TRHDE: variants seen among roughly 807,000 people sequenced by gnomAD.
TRHDE encodes thyrotropin-releasing hormone-degrading ectoenzyme.
Under a neutral mutation model 125.7 loss-of-function variants are expected in TRHDE, and 72 were observed. The observed-to-expected ratio is 0.57, with a 90% CI of 0.47 to 0.70. The LOEUF (loss-of-function observed/expected upper bound fraction) is 0.70. Among genes scored for constraint, TRHDE ranks in the 30% least tolerant of loss-of-function variants. The pLI is 0.00. For missense variants in TRHDE, 1,110 were observed against 1,327.1 expected (o/e 0.84, Z 2.54); for synonymous variants, 509 against 509.1 (o/e 1.00, Z 0.00).
intron 6 of TRHDE, among the ~76,000 whole-genome samples, chr12:72,518,836 G>T (rs1879021595): frequency 6.6e-6 from 1 of 152,216 alleles, no homozygotes; most frequent in South Asian, 2.1e-4. Flanking sequence ...TTTAGGGCAG[G>T]CCTGGTGGTG....
intron 2 of TRHDE, among the ~76,000 whole-genome samples, chr12:72,130,335 G>A (rs1875832126): frequency 6.6e-6 from 1 of 152,114 alleles, no homozygotes; most frequent in Non-Finnish European, 1.5e-5. Flanking sequence ...TAAATTCAAT[G>A]CTGAGGTAAT....
intron 2 of TRHDE, among the ~76,000 whole-genome samples, chr12:72,119,079 T>C (rs1449515798): frequency 6.6e-6 from 1 of 152,124 alleles, no homozygotes; most frequent in Non-Finnish European, 1.5e-5. Flanking sequence ...TTTCTACTAA[T>C]TTTGGCTTTA....
intron 5 of TRHDE, among the ~76,000 whole-genome samples, chr12:72,481,376 A>T (rs1565759426): frequency 8.8e-6 from 1 of 114,220 alleles, no homozygotes; most frequent in Non-Finnish European, 1.8e-5. Flanking sequence ...AGAGAAAGTT[A>T]AAAAAAAAAA....
Position 72,560,011 on chromosome 12 carries a change from A to T in TRHDE, c.1789-2154A>T, listed in dbSNP as rs1321504723. On this transcript the variant is annotated intron_variant, in intron 7 of 18. Transcript: ENST00000261180. ...TAAATTTTGTGGAATTAATGAAAAA[A>T]AATAGATGACTGATTATTGAAACGC... Among the ~76,000 whole-genome samples the T allele has an allele frequency of 2.0e-5, 3 of 152,228 alleles. No individual in the cohort carries two copies. The East Asian group carries it at 5.8e-4, about 29-fold the overall frequency.
At chr12:72,529,746 C>T (rs955040067) in intron 6 of TRHDE, among the ~76,000 whole-genome samples, 13 of 152,176 alleles carry the variant, frequency 8.5e-5, no homozygotes, top group African/African-American at 3.1e-4. Context: ...CATGCATCCG[C>T]ATTTCCCAAC....
intron 13 of TRHDE, 64 bp downstream of exon 13, chr12:72,619,102 A>G: frequency 8.0e-7 from 1 of 1,254,832 alleles, no homozygotes; most frequent in East Asian, 2.9e-5. Flanking sequence ...TCTTTCTACT[A>G]TTATATATGC....
chr12:72,630,385 G>A (rs957178718), intron 15 of TRHDE, among the ~76,000 whole-genome samples: 7 of 151,732 alleles, frequency 4.6e-5, no homozygotes, highest in African/African-American at 1.7e-4. Context: ...AATTGCTGGA[G>A]CCATTAGAAG....
intron 2 of TRHDE, among the ~76,000 whole-genome samples, chr12:72,347,415 A>G (rs1870373144): frequency 6.6e-6 from 1 of 152,108 alleles, no homozygotes; most frequent in African/African-American, 2.4e-5. Context: ...GTAACAAATT[A>G]CCTCAAAATT....
chr12:72,568,572 C>A lies in TRHDE; in HGVS notation c.2047C>A (p.Leu683Met). 1 of 1,606,294 alleles carries A rather than the reference C, an allele frequency of 6.2e-7. No homozygotes were observed. The highest frequency in any genetic ancestry group is 8.5e-7 in the Non-Finnish European group (1 of 1,175,180). The change falls in exon 10 of 19, where the codon CTG (leucine) becomes ATG (methionine). Residue 683 changes from leucine (L) to methionine (M), a missense_variant. Around this residue, in one of 5 missense-constraint regions of TRHDE, gnomAD observed 527 missense variants for 651.8 expected, o/e 0.81. Transcript: ENST00000261180. The stretch of plus-strand genomic sequence containing the variant: ...AGCTTGTCTTTTATTTTGCAGTTAC[C>A]TGTGGCAGATTCCATTAACTATTGT... ...KALKLQNNSY[L>M]WQIPLTIVVG...
At chr12:72,397,073 T>G (rs1269405468) in intron 3 of TRHDE, among the ~76,000 whole-genome samples, 1 of 152,200 alleles carries the variant, frequency 6.6e-6, no homozygotes, top group Non-Finnish European at 1.5e-5. Flanking sequence ...ATGCAAACAT[T>G]TCAAACACAG....
chr12:72,641,751 C>A (rs1017001874), intron 15 of TRHDE, among the ~76,000 whole-genome samples: 11 of 152,134 alleles, frequency 7.2e-5, no homozygotes, highest in African/African-American at 2.7e-4. Context: ...CTTATTAATT[C>A]ATTTCACTGT....
chr12:72,418,085 G>T (rs2135823007), intron 3 of TRHDE, among the ~76,000 whole-genome samples: 1 of 152,022 alleles, frequency 6.6e-6, no homozygotes, highest in East Asian at 1.9e-4. Flanking sequence ...ATTAATTCTT[G>T]CTATCAAAAA....
intron 15 of TRHDE, among the ~76,000 whole-genome samples, chr12:72,637,093 T>C (rs979164838): frequency 2.6e-5 from 4 of 152,196 alleles, no homozygotes; most frequent in African/African-American, 9.7e-5. Context: ...AGTTCCTCCT[T>C]GTACCTCTGG....
chr12:72,142,861 C>T (rs1484284748), intron 2 of TRHDE, among the ~76,000 whole-genome samples: 1 of 152,050 alleles, frequency 6.6e-6, no homozygotes, highest in Non-Finnish European at 1.5e-5. Flanking sequence ...AGGTCATCTT[C>T]CCACTCCACT....
At chr12:72,187,752 T>G (rs1877257205) in intron 2 of TRHDE, among the ~76,000 whole-genome samples, 1 of 152,192 alleles carries the variant, frequency 6.6e-6, no homozygotes. Flanking sequence ...ATCTTTTAGC[T>G]CAGTCAAGTT....
intron 2 of TRHDE, among the ~76,000 whole-genome samples, chr12:72,229,874 G>A (rs1878212887): frequency 6.6e-6 from 1 of 152,162 alleles, no homozygotes; most frequent in South Asian, 2.1e-4. Flanking sequence ...ACTGTCAAAA[G>A]AGGAAATAGG....
intron 2 of TRHDE, among the ~76,000 whole-genome samples, chr12:72,110,527 T>A (rs1875292593): frequency 6.6e-6 from 1 of 152,130 alleles, no homozygotes; most frequent in Non-Finnish European, 1.5e-5. Flanking sequence ...GTTGTGAATT[T>A]CTTTGTTATT....
chr12:72,211,581 C>G (rs1387868453), intron 2 of TRHDE, among the ~76,000 whole-genome samples: 2 of 152,054 alleles, frequency 1.3e-5, no homozygotes, highest in Non-Finnish European at 2.9e-5. Context: ...GTTGATAATA[C>G]ATATTAATTC....
Position 72,440,060 on chromosome 12 carries a change from CTT to C in TRHDE, c.1316-29697_1316-29696del, listed in dbSNP as rs554794304. Reference sequence around the variant, plus strand: ...CATTCTGTTAATGTAATTTATCACACTTATTGATTTATGTATGTTGAATCATA... The same window carrying C: ...CATTCTGTTAATGTAATTTATCACACATTGATTTATGTATGTTGAATCATA... On this transcript the variant is annotated intron_variant, in intron 3 of 18. Transcript: ENST00000261180. 1.4e-3 allele frequency among the ~76,000 whole-genome samples: 207 copies of C among 151,932 alleles called. 1 individual carries two copies. The highest frequency in any genetic ancestry group is 0.01 in the Middle Eastern group (3 of 294).
Sources: allele counts gnomAD v4.1 joint callset (sites outside exome capture counted in the v4.1 genomes callset), GRCh38; gene constraint gnomAD v4.1.1; regional missense constraint gnomAD v4.1.1; transcripts MANE v1.5; gene names NCBI Gene and HGNC (gene_info 2026-07-23, HGNC 2026-07-21).